Variants in MYO1B observed in about 807,000 individuals in gnomAD.
The protein encoded by MYO1B is unconventional myosin-Ib.
MYO1B carries 72 observed loss-of-function variants against 159.7 expected under a neutral mutation model. That is an observed-to-expected ratio of 0.45 (90% confidence interval 0.37 to 0.55). MYO1B has a LOEUF of 0.55. Ranked by LOEUF, MYO1B falls within the 20% of genes least tolerant of loss-of-function variation. MYO1B has a pLI of 0.00. For synonymous variants in MYO1B, 468 were observed against 473.8 expected (o/e 0.99, Z 0.16); for missense variants, 1,062 against 1,364.8 (o/e 0.78, Z 3.50).
At chr2:191,364,556 G>A (rs1238854243) in intron 11 of MYO1B, among the ~76,000 whole-genome samples, 2 of 152,320 alleles carry the variant, frequency 1.3e-5, no homozygotes, top group Non-Finnish European at 2.9e-5. Flanking sequence ...CAACAGTAGA[G>A]CAGAGTAGGG....
At chr2:191,384,315 T>A (rs1695274191) in intron 15 of MYO1B, among the ~76,000 whole-genome samples, 1 of 152,214 alleles carries the variant, frequency 6.6e-6, no homozygotes, top group African/African-American at 2.4e-5. Flanking sequence ...GCAAGACCAG[T>A]TTAGTGAGAT....
intron 1 of MYO1B, chr2:191,263,261 T>A: frequency 1.1e-6 from 1 of 949,246 alleles, no homozygotes; most frequent in Non-Finnish European, 1.3e-6. Flanking sequence ...TCTTATCTGC[T>A]TGCAAAATAT....
At chr2:191,326,640 G>C (rs896698989) in intron 3 of MYO1B, among the ~76,000 whole-genome samples, 3 of 152,054 alleles carry the variant, frequency 2.0e-5, no homozygotes, top group Non-Finnish European at 4.4e-5. Context: ...CCCTGTCTTT[G>C]AGGACAGCAG....
At chr2:191,301,684 A>G (rs562021106) in intron 3 of MYO1B, among the ~76,000 whole-genome samples, 2 of 152,360 alleles carry the variant, frequency 1.3e-5, no homozygotes, top group South Asian at 4.1e-4. Context: ...TTTGAAATCT[A>G]AAACACTTCT....
chr2:191,377,281 TAC>T lies in MYO1B; in HGVS notation c.1186-4180_1186-4179del, dbSNP rs534163924. Among the ~76,000 whole-genome samples, 240 of 152,290 alleles carry T rather than the reference TAC, an allele frequency of 1.6e-3. 2 individuals carry two copies. The highest frequency in any genetic ancestry group is 3.0e-3 in the Non-Finnish European group (201 of 68,036). On this transcript the variant is annotated intron_variant, in intron 13 of 30. Transcript: ENST00000392318. ...GTTATGTAATAGAAAGCCCAGAAGG[TAC>T]TTGTTTGAAGATGTTTCTAAGTTTT...
rs777297510 is a variant in MYO1B, at chr2:191,402,734, C to G, written c.2556+16C>G. On this transcript the variant is annotated intron_variant, in intron 24 of 30. Coordinates refer to ENST00000392318, the MANE Select transcript of MYO1B (RefSeq NM_001130158.3). ...TGGACTGAAGGTACTTCCTCAACCA[C>G]TTGTTTCTGTCCAGGGTGAACTTCA... 1 of 1,602,636 alleles carries G rather than the reference C, an allele frequency of 6.2e-7. No individual in the cohort carries two copies. The highest frequency in any genetic ancestry group is 1.3e-5 in the African/African-American group (1 of 74,574).
At chr2:191,353,986 C>A (rs1449874266) in intron 7 of MYO1B, among the ~76,000 whole-genome samples, 1 of 152,086 alleles carries the variant, frequency 6.6e-6, no homozygotes, top group Non-Finnish European at 1.5e-5. Flanking sequence ...GGCTGGGTGC[C>A]ATGGCTCATG....
chr2:191,366,681 A>C (rs1390315042), intron 11 of MYO1B, among the ~76,000 whole-genome samples: 1 of 151,990 alleles, frequency 6.6e-6, no homozygotes, highest in Non-Finnish European at 1.5e-5. Context: ...GATCCCACAC[A>C]GCTTACCTCA....
intron 3 of MYO1B, among the ~76,000 whole-genome samples, chr2:191,297,023 A>G (rs542168003): frequency 1.3e-5 from 2 of 152,212 alleles, no homozygotes; most frequent in Non-Finnish European, 2.9e-5. Context: ...ATACCCAGAA[A>G]TTATCACAAA....
chr2:191,291,996 C>A (rs1688715220), intron 2 of MYO1B, among the ~76,000 whole-genome samples: 1 of 152,032 alleles, frequency 6.6e-6, no homozygotes, highest in Non-Finnish European at 1.5e-5. Context: ...ATTCTACTGG[C>A]CCATGTAGGA....
At chr2:191,390,889 T>G (rs1695706660) in intron 18 of MYO1B, among the ~76,000 whole-genome samples, 1 of 152,256 alleles carries the variant, frequency 6.6e-6, no homozygotes, top group South Asian at 2.1e-4. Flanking sequence ...TCTTTGCCTA[T>G]ATCTATACCA....
chr2:191,296,799 T>A (rs982816813), intron 3 of MYO1B, among the ~76,000 whole-genome samples: 11 of 152,356 alleles, frequency 7.2e-5, no homozygotes, highest in Admixed American at 2.6e-4. Context: ...GTTTGTCTGC[T>A]CCTTTAGAGT....
chr2:191,272,638 C>T (rs1687520746), intron 1 of MYO1B, among the ~76,000 whole-genome samples: 1 of 152,230 alleles, frequency 6.6e-6, no homozygotes, highest in African/African-American at 2.4e-5. Context: ...TCTGGCCTTT[C>T]AGACAGTCCA....
intron 20 of MYO1B, among the ~76,000 whole-genome samples, chr2:191,394,981 G>A (rs1211502571): frequency 6.6e-6 from 1 of 152,154 alleles, no homozygotes; most frequent in Non-Finnish European, 1.5e-5. Flanking sequence ...ACTCAAGCCA[G>A]TGGTTAAACT....
chr2:191,421,346 T>G (rs1163373219), intron 30 of MYO1B, among the ~76,000 whole-genome samples: 5 of 151,168 alleles, frequency 3.3e-5, no homozygotes, highest in Middle Eastern at 3.6e-3. Flanking sequence ...CTGGGATTAC[T>G]GTCATGATCC....
At chr2:191,347,486 TAC>T (rs1054854606) in intron 6 of MYO1B, among the ~76,000 whole-genome samples, 1 of 152,224 alleles carries the variant, frequency 6.6e-6, no homozygotes, top group Admixed American at 6.5e-5. Flanking sequence ...GCAAATTACA[TAC>T]ACACACAGTA....
At chr2:191,387,823 T>A (rs568728372) in intron 17 of MYO1B, 37 of 304,934 alleles carry the variant, frequency 1.2e-4, no homozygotes, top group African/African-American at 7.8e-4. Context: ...TCATTTGGGA[T>A]TCTTGTTCTA....
intron 13 of MYO1B, among the ~76,000 whole-genome samples, chr2:191,371,860 C>T (rs1694386707): frequency 6.6e-6 from 1 of 152,148 alleles, no homozygotes; most frequent in Admixed American, 6.5e-5. Context: ...GAACAGAGGT[C>T]TTCAACACAG....
At position 191,359,842 on chromosome 2, in the gene MYO1B, G is replaced by A. The variant is rs573421707; in HGVS notation, c.563-789G>A. On this transcript the variant is annotated intron_variant, in intron 7 of 30. Transcript: ENST00000392318. ...CCACAGCCTTTTGTATCACTATTGA[G>A]TGATAAGCAGGGCTCCAGACAAGAA... Among the ~76,000 whole-genome samples the A allele has an allele frequency of 2.0e-5, 3 of 152,286 alleles. No individual in the cohort carries two copies. In the South Asian group the frequency reaches 6.2e-4, roughly 32 times the overall value.
Sources: allele counts gnomAD v4.1 joint callset (sites outside exome capture counted in the v4.1 genomes callset), GRCh38; gene constraint gnomAD v4.1.1; transcripts MANE v1.5; gene names NCBI Gene and HGNC (gene_info 2026-07-23, HGNC 2026-07-21).